TESMIN: variants seen among roughly 807,000 people sequenced by gnomAD.
TESMIN encodes the protein testis expressed metallothionein like protein, also known as CXC domain containing 2.
In TESMIN, 34 loss-of-function variants were observed where a neutral mutation model predicts 47.4. The observed-to-expected ratio is 0.72, with a 90% CI of 0.55 to 0.96. TESMIN has a LOEUF of 0.96. Ranked by LOEUF, TESMIN falls within the 40% of genes least tolerant of loss-of-function variation. TESMIN has a pLI of 0.00. For missense variants in TESMIN, 610 were observed against 637.2 expected (o/e 0.96, Z 0.46); for synonymous variants, 278 against 258.9 (o/e 1.07, Z -0.71).
chr11:68,736,290 T>A (rs1946386068), intron 6 of TESMIN: 3 of 985,424 alleles, frequency 3.0e-6, no homozygotes, highest in South Asian at 9.4e-5. Context: ...TTTATTAATA[T>A]GATAAGCTAG....
chr11:68,745,207 C>A, intron 3 of TESMIN, 96 bp from the exon 4 acceptor site: 1 of 1,180,958 alleles, frequency 8.5e-7, no homozygotes, highest in South Asian at 1.5e-5. Flanking sequence ...TAGCTTTAAT[C>A]CAGAAGTTAC....
At chr11:68,709,372 A>G (rs1316775440) in intron 9 of TESMIN, among the ~76,000 whole-genome samples, 1 of 152,224 alleles carries the variant, frequency 6.6e-6, no homozygotes, top group East Asian at 1.9e-4. Context: ...GCCCACGTGC[A>G]GCCAGAGAAG....
chr11:68,740,010 A>G (rs1366105342), intron 5 of TESMIN, among the ~76,000 whole-genome samples: 1 of 152,164 alleles, frequency 6.6e-6, no homozygotes, highest in Non-Finnish European at 1.5e-5. Flanking sequence ...TGTACTCCAT[A>G]GGTTGTAAAT....
In TESMIN at chr11:68,713,282, G is replaced by T; in HGVS notation, c.1146C>A (p.Cys382Ter). ...GCTGGGCACTAACCTCATAGCACTC[G>T]CAGTAATTCTTCAGGCAGCCTGACC... ...CRRSGCLKNYCECYEAQIMCS... is the reference protein window; with the variant it reads ...CRRSGCLKNY The change falls in exon 8 of 10, where the codon TGC becomes TGA. Residue 382 changes from cysteine to a stop codon, truncating the protein, a stop_gained. Transcript: ENST00000255087. LOFTEE classifies it high-confidence loss of function. 3 of 1,613,956 alleles carry T rather than the reference G, an allele frequency of 1.9e-6. No homozygotes were observed. The highest frequency in any genetic ancestry group is 2.5e-6 in the Non-Finnish European group (3 of 1,179,930).
intron 6 of TESMIN, chr11:68,736,216 C>G: frequency 4.1e-6 from 4 of 985,302 alleles, no homozygotes; most frequent in Non-Finnish European, 4.8e-6. Flanking sequence ...ACATTTATTA[C>G]CAGATTGGTA....
At chr11:68,742,804 G>C (rs1946472512) in intron 4 of TESMIN, among the ~76,000 whole-genome samples, 1 of 152,138 alleles carries the variant, frequency 6.6e-6, no homozygotes, top group African/African-American at 2.4e-5. Context: ...CAATCCTCCT[G>C]CCTCAGCCTC....
At chr11:68,716,722 C>T (rs992511901) in intron 6 of TESMIN, among the ~76,000 whole-genome samples, 2 of 152,236 alleles carry the variant, frequency 1.3e-5, no homozygotes, top group African/African-American at 2.4e-5. Flanking sequence ...GAGGTGTTTA[C>T]AGGCACGCGC....
At chr11:68,742,451 C>T in intron 4 of TESMIN, 57 bp from the exon 5 acceptor site, 2 of 1,129,494 alleles carry the variant, frequency 1.8e-6, no homozygotes, top group Non-Finnish European at 2.6e-6. Context: ...CTTCCACTTA[C>T]ACGTGGATGA....
chr11:68,729,717 G>T (rs191248679), intron 6 of TESMIN, among the ~76,000 whole-genome samples: 262 of 152,292 alleles, frequency 1.7e-3, no homozygotes, highest in Non-Finnish European at 3.2e-3. Context: ...TTACAGATGA[G>T]CAGAGAAAGC....
At chr11:68,744,192 G>C (rs1184975921) in intron 4 of TESMIN, among the ~76,000 whole-genome samples, 1 of 152,186 alleles carries the variant, frequency 6.6e-6, no homozygotes, top group Non-Finnish European at 1.5e-5. Context: ...GGACTTCAAA[G>C]GCCAGTGAAA....
chr11:68,718,015 A>C (rs1338525456), intron 6 of TESMIN, among the ~76,000 whole-genome samples: 1 of 152,170 alleles, frequency 6.6e-6, no homozygotes, highest in African/African-American at 2.4e-5. Context: ...GAGCTTTCCC[A>C]ATAAAATAGC....
chr11:68,736,845 G>A lies in TESMIN; in HGVS notation c.917+1855C>T, dbSNP rs1245435073. 14 of 984,900 alleles carry A rather than the reference G, an allele frequency of 1.4e-5. No homozygotes were observed. The South Asian group carries it at 4.7e-4, about 33-fold the overall frequency. The allele number at this position is 984,900 out of a possible 1,614,324, so 61.0% of individuals were successfully genotyped here. On this transcript the variant is annotated intron_variant, in intron 6 of 9. Transcript: ENST00000255087. ...AGGAGGAGGAGGAGAATGGGAAGCC[G>A]GGGGAGAGGAAAAGGGGGAAAAGGA...
rs1290367685 is a variant in TESMIN, at chr11:68,738,720, T to C, written c.897A>G (p.Pro299=). The C allele has an allele frequency of 3.7e-6, 6 of 1,614,100 alleles. No individual in the cohort carries two copies. Among genetic ancestry groups the C allele is most frequent in the Admixed American group, 1.7e-5 (1 of 60,012 alleles). The part of the protein sequence containing the change: ...AFPSGSTLPG[P]PKITLAGYCD... ...CTTACCCAGCCAAAGTTATTTTTGG[T>C]GGTCCTGGAAGAGTTGATCCCGAGG... Residue 299 remains proline, a synonymous_variant, in exon 6 of 10, where the codon CCA becomes CCG. Coordinates refer to ENST00000255087, the MANE Select transcript of TESMIN (RefSeq NM_004923.3).
At chr11:68,717,006 C>G (rs374808803) in intron 6 of TESMIN, among the ~76,000 whole-genome samples, 1 of 152,162 alleles carries the variant, frequency 6.6e-6, no homozygotes, top group Non-Finnish European at 1.5e-5. Flanking sequence ...TCGTGGTGCT[C>G]AGCCTCCCAG....
chr11:68,711,391 G>C (rs546938659), intron 8 of TESMIN, among the ~76,000 whole-genome samples: 1 of 151,018 alleles, frequency 6.6e-6, no homozygotes, highest in South Asian at 2.1e-4. Context: ...ATATGTGTGA[G>C]TGAATGTGAA....
At chr11:68,714,862 C>CT (rs1395268633) in intron 7 of TESMIN, among the ~76,000 whole-genome samples, 1 of 152,178 alleles carries the variant, frequency 6.6e-6, no homozygotes, top group African/African-American at 2.4e-5. Flanking sequence ...GGTTGTGCCC[C>CT]TTTATATGCC....
intron 2 of TESMIN, among the ~76,000 whole-genome samples, chr11:68,749,323 C>T (rs910363017): frequency 2.0e-5 from 3 of 152,200 alleles, no homozygotes; most frequent in African/African-American, 7.2e-5. Flanking sequence ...AGCAGAAATC[C>T]AAGCTCCTGC....
chr11:68,751,034 CGGGAGGGGCGACCAG>C (rs1946597545), intron 1 of TESMIN, among the ~76,000 whole-genome samples: 2 of 10,206 alleles, frequency 2.0e-4, no homozygotes, highest in Non-Finnish European at 3.5e-4. Context: ...GAGGGGGTCA[CGGGAGGGGCGACCAG>C]GGGAGGGGCG....
intron 6 of TESMIN, among the ~76,000 whole-genome samples, chr11:68,728,031 C>T (rs990311811): frequency 6.6e-6 from 1 of 152,192 alleles, no homozygotes; most frequent in Non-Finnish European, 1.5e-5. Context: ...CTCTCCCTGT[C>T]CTCAGGCCTC....
Sources: allele counts gnomAD v4.1 joint callset (sites outside exome capture counted in the v4.1 genomes callset), GRCh38; gene constraint gnomAD v4.1.1; transcripts MANE v1.5; gene names NCBI Gene and HGNC (gene_info 2026-07-23, HGNC 2026-07-21).